CELSR1: variants seen among roughly 807,000 people sequenced by gnomAD.
CELSR1 encodes adhesion G protein-coupled receptor C1.
A neutral mutation model predicts 249.1 loss-of-function variants in CELSR1; 110 were observed. The observed-to-expected ratio is 0.44, with a 90% CI of 0.38 to 0.52. The LOEUF (loss-of-function observed/expected upper bound fraction) is 0.52, where lower values mean the gene tolerates loss of function less well. Among genes scored for constraint, CELSR1 ranks in the 20% least tolerant of loss-of-function variants. The pLI, the probability that CELSR1 is intolerant of heterozygous loss-of-function variation, is 0.00. For synonymous variants in CELSR1, 2,113 were observed against 1,900.0 expected (o/e 1.11, Z -2.92); for missense variants, 4,109 against 4,296.4 (o/e 0.96, Z 1.22).
In CELSR1 at chr22:46,407,357, A is replaced by C. The variant is rs907249981; in HGVS notation, c.5226+1639T>G. On this transcript the variant is annotated intron_variant, in intron 9 of 34. Transcript: ENST00000674500. The surrounding 1 kb of genome is among the most constrained non-coding windows in gnomAD (Gnocchi z 4.8). ...CACACACACAAACTTGGAGAAAAGCATAAGAGTCACATCTGTAATCCCAGC... is the reference window on the plus strand; with the variant it reads ...CACACACACAAACTTGGAGAAAAGCCTAAGAGTCACATCTGTAATCCCAGC... Among the ~76,000 whole-genome samples, 1 of 152,170 alleles carries C rather than the reference A, an allele frequency of 6.6e-6. No individual in the cohort carries two copies. The highest frequency in any genetic ancestry group is 1.9e-4 in the East Asian group (1 of 5,192).
rs1427448273 is a variant in CELSR1, at chr22:46,517,463, C to T, written c.3544+16164G>A. 1.3e-5 allele frequency among the ~76,000 whole-genome samples: 2 copies of T among 152,188 alleles called. No homozygotes were observed. The highest frequency in any genetic ancestry group is 2.4e-5 in the African/African-American group (1 of 41,468). On this transcript the variant is annotated intron_variant, in intron 1 of 34. Transcript: ENST00000674500. The surrounding 1 kb of genome is among the most constrained non-coding windows in gnomAD (Gnocchi z 5.4). ...TTGTCATCTTCCACGGGGCACAAGG[C>T]GGTATCTGGAGGGTAGAACCACAAT...
At chr22:46,386,741 T>C (rs1392454729) in intron 18 of CELSR1, among the ~76,000 whole-genome samples, 156 bp from the exon 19 acceptor site, 1 of 151,222 alleles carries the variant, frequency 6.6e-6, no homozygotes, top group East Asian at 1.9e-4. Flanking sequence ...AGTTGTTTTT[T>C]GTTTTTTGTT....
At chr22:46,377,429 C>T in intron 23 of CELSR1, 168 bp from the exon 24 acceptor site, 1 of 716,738 alleles carries the variant, frequency 1.4e-6, no homozygotes, top group South Asian at 1.8e-5. Context: ...CTGGAACTGC[C>T]CCTCCTGAGG....
In CELSR1 at chr22:46,407,548, C is replaced by T. The variant is rs1293214427; in HGVS notation, c.5226+1448G>A. 6.6e-6 allele frequency among the ~76,000 whole-genome samples: 1 copy of T among 152,072 alleles called. No individual in the cohort carries two copies. The highest frequency in any genetic ancestry group is 1.9e-4 in the East Asian group (1 of 5,172). On this transcript the variant is annotated intron_variant, in intron 9 of 34. Coordinates refer to ENST00000674500, the MANE Select transcript of CELSR1 (RefSeq NM_001378328.1). The surrounding 1 kb of genome is among the most constrained non-coding windows in gnomAD (Gnocchi z 4.8). ...AATGGAGGCTGAGGCAGGAGAATCG[C>T]TTGAACCTGGGGGGCAGAAGTTGCA...
chr22:46,382,354 T>C (rs1007153331), intron 20 of CELSR1, among the ~76,000 whole-genome samples: 2 of 152,106 alleles, frequency 1.3e-5, no homozygotes, highest in Non-Finnish European at 2.9e-5. Context: ...CTCGGCTCAC[T>C]GCAAGCTCCG....
At position 46,468,471 on chromosome 22, in the gene CELSR1, A is replaced by G. The variant is rs2080121568; in HGVS notation, c.3545-4126T>C. Among the ~76,000 whole-genome samples, 1 of 152,104 alleles carries G rather than the reference A, an allele frequency of 6.6e-6. No homozygotes were observed. The highest frequency in any genetic ancestry group is 1.5e-5 in the Non-Finnish European group (1 of 68,028). On this transcript the variant is annotated intron_variant, in intron 1 of 34. Coordinates refer to ENST00000674500, the MANE Select transcript of CELSR1 (RefSeq NM_001378328.1). The surrounding 1 kb of genome is among the most constrained non-coding windows in gnomAD (Gnocchi z 4.5). ...AGGAAATTCTGACACACGCTACAAC[A>G]TGGATGTACCTTGAGGACGTGATGC...
rs1249644838 is a variant in CELSR1 at position 46,463,837 on chromosome 22, G to A, written c.4053C>T (p.Cys1351=). 6.2e-7 allele frequency: 1 copy of A among 1,611,568 alleles called. No individual in the cohort carries two copies. Among genetic ancestry groups the A allele is most frequent in the African/African-American group, 1.3e-5 (1 of 75,038 alleles). Residue 1351 remains cysteine, a synonymous_variant, in exon 2 of 35, where the codon TGC becomes TGT. Transcript: ENST00000674500. ...IHPINGLRCR[C]PPGFTGDYCE... is the part of the protein sequence containing the mutation. The stretch of plus-strand genomic sequence containing the variant: ...AGTAGTCGCCGGTGAAGCCGGGCGG[G>A]CAGCGGCAGCGCAGGCCGTTGATGG...
rs993322088 is a variant in CELSR1, at chr22:46,399,356, C to T, written c.5412+361G>A. 2.6e-5 allele frequency among the ~76,000 whole-genome samples: 4 copies of T among 152,190 alleles called. No homozygotes were observed. The highest frequency in any genetic ancestry group is 2.6e-4 in the Admixed American group (4 of 15,276). ...GCTCCCCATCCATGCTCTGAGGGCA[C>T]GGGCCCCAGCATTGCTACTTCAGTA... On this transcript the variant is annotated intron_variant, in intron 10 of 34. Transcript: ENST00000674500. The surrounding 1 kb of genome is among the most constrained non-coding windows in gnomAD (Gnocchi z 5.0).
chr22:46,467,775 T>C, intron 1 of CELSR1, among the ~76,000 whole-genome samples: 1 of 151,658 alleles, frequency 6.6e-6, no homozygotes, highest in East Asian at 1.9e-4. Flanking sequence ...TGAGCCGAGA[T>C]CACGCCACTG....
Position 46,391,507 on chromosome 22 carries a change from G to A in CELSR1, c.6148+126C>T. 2.5e-6 allele frequency: 3 copies of A among 1,184,910 alleles called. No homozygotes were observed. Among genetic ancestry groups the A allele is most frequent in the Non-Finnish European group, 1.1e-6 (1 of 869,724 alleles). The allele number at this position is 1,184,910 out of a possible 1,614,324, so 73.4% of individuals were successfully genotyped here. ...CAGAACCAGGTTTCTAGAAGGTCAA[G>A]AGAACTCAGAACACGAGGGAGCCCA... On this transcript the variant is annotated intron_variant, in intron 15 of 34. Coordinates refer to ENST00000674500, the MANE Select transcript of CELSR1 (RefSeq NM_001378328.1). This position sits in a 1 kb window ranked among gnomAD's most constrained non-coding sequence, Gnocchi z 4.3.
At position 46,440,087 on chromosome 22, in the gene CELSR1, G is replaced by T. The variant is rs2079726258; in HGVS notation, c.4184-676C>A. 6.6e-6 allele frequency among the ~76,000 whole-genome samples: 1 copy of T among 152,156 alleles called. No individual in the cohort carries two copies. Among genetic ancestry groups the T allele is most frequent in the Non-Finnish European group, 1.5e-5 (1 of 68,030 alleles). The stretch of plus-strand genomic sequence containing the variant: ...CTAGAGTTTAAACTCTTTTGTGACA[G>T]GAAGGTTCTGGAAGCTTTCCCAGAA... On this transcript the variant is annotated intron_variant, in intron 2 of 34. Transcript: ENST00000674500. The surrounding 1 kb of genome is among the most constrained non-coding windows in gnomAD (Gnocchi z 4.7).
At chr22:46,400,341 AAGTT>A (rs2079197964) in intron 9 of CELSR1, among the ~76,000 whole-genome samples, 2 of 151,752 alleles carry the variant, frequency 1.3e-5, no homozygotes, top group Admixed American at 6.6e-5. Context: ...GAAAAAAAAA[AAGTT>A]AGGCAAAGTT....
intron 2 of CELSR1, among the ~76,000 whole-genome samples, chr22:46,449,120 C>A (rs2079852431): frequency 6.7e-6 from 1 of 148,744 alleles, no homozygotes; most frequent in African/African-American, 2.5e-5. Flanking sequence ...TGTTCATCCA[C>A]CCACCCACCC....
chr22:46,418,475 AT>A (rs2079428639), intron 5 of CELSR1, among the ~76,000 whole-genome samples: 1 of 151,510 alleles, frequency 6.6e-6, no homozygotes, highest in East Asian at 1.9e-4. Context: ...ACAGAGCAAG[AT>A]TCCGCCTCAG....
chr22:46,371,343 C>A (rs554207335), intron 25 of CELSR1, among the ~76,000 whole-genome samples: 24 of 152,114 alleles, frequency 1.6e-4, no homozygotes, highest in Non-Finnish European at 2.2e-4. Context: ...GGGAGCAACA[C>A]CCCCCCACCC....
At chr22:46,384,148 C>T (rs750722211) in intron 20 of CELSR1, among the ~76,000 whole-genome samples, 114 of 151,788 alleles carry the variant, frequency 7.5e-4, no homozygotes, top group Non-Finnish European at 1.4e-3. Flanking sequence ...GTTGGCCAGG[C>T]TGGTCTCGAA....
intron 2 of CELSR1, among the ~76,000 whole-genome samples, chr22:46,459,152 T>C (rs965134842): frequency 2.6e-5 from 4 of 152,310 alleles, no homozygotes; most frequent in African/African-American, 9.6e-5. Flanking sequence ...CCTCCCAAAG[T>C]GCTGGGATTA....
rs1469065369 is a variant in CELSR1, at chr22:46,441,654, C to T, written c.4184-2243G>A. On this transcript the variant is annotated intron_variant, in intron 2 of 34. Transcript: ENST00000674500. The surrounding 1 kb of genome is among the most constrained non-coding windows in gnomAD (Gnocchi z 6.1). ...TAAGGGAGAGGGCTGTGGTCTCTTC[C>T]TCTCCTTACAAGGACTCTAATTGCA... is the stretch of plus-strand genomic sequence containing the variant. Among the ~76,000 whole-genome samples, 2 of 152,090 alleles carry T rather than the reference C, an allele frequency of 1.3e-5. No individual in the cohort carries two copies. The highest frequency in any genetic ancestry group is 1.9e-4 in the East Asian group (1 of 5,180).
chr22:46,412,690 C>A lies in CELSR1; in HGVS notation c.4612-931G>T, dbSNP rs7291642. Reference sequence around the variant, plus strand: ...CCTCCCAGGACACGAAGCATATCCACCCAGCCAGCCTCAGACGCCCTTCCA... The same window carrying A: ...CCTCCCAGGACACGAAGCATATCCAACCAGCCAGCCTCAGACGCCCTTCCA... On this transcript the variant is annotated intron_variant, in intron 5 of 34. Transcript: ENST00000674500. This position sits in a 1 kb window ranked among gnomAD's most constrained non-coding sequence, Gnocchi z 4.5. Among the ~76,000 whole-genome samples the A allele has an allele frequency of 0.036, 5,522 of 152,250 alleles. 326 individuals carry two copies. Among genetic ancestry groups the A allele is most frequent in the African/African-American group, 0.13 (5,206 of 41,506 alleles).
Sources: gnomAD v4.1 joint callset for allele counts (sites outside exome capture counted in the v4.1 genomes callset) on GRCh38, gnomAD v4.1.1 for gene constraint, Gnocchi (gnomAD v3.1) non-coding constraint, MANE v1.5 for transcripts, NCBI Gene and HGNC (gene_info 2026-07-23, HGNC 2026-07-21) for gene names.